GRIP1: variants seen among roughly 807,000 people sequenced by gnomAD.
GRIP1 encodes glutamate receptor-interacting protein 1.
A neutral mutation model predicts 129.9 loss-of-function variants in GRIP1; 45 were observed. The observed-to-expected ratio is 0.35, with a 90% CI of 0.27 to 0.44. The LOEUF is 0.44. Among genes scored for constraint, GRIP1 ranks in the 20% least tolerant of loss-of-function variants. GRIP1 has a pLI of 1.00. For missense variants in GRIP1, 1,196 were observed against 1,396.8 expected, an observed-to-expected ratio of 0.86 and a Z score of 2.29; for synonymous variants, 530 against 520.8, an observed-to-expected ratio of 1.02 and a Z score of -0.24.
chr12:66,560,275 T>G (rs2062474794), intron 2 of GRIP1, among the ~76,000 whole-genome samples: 1 of 151,992 alleles, frequency 6.6e-6, no homozygotes, highest in African/African-American at 2.4e-5. Context: ...ATTTCTTGAG[T>G]AATACTCCAC....
chr12:66,470,978 G>A (rs968004853), intron 7 of GRIP1, among the ~76,000 whole-genome samples: 7 of 152,160 alleles, frequency 4.6e-5, no homozygotes, highest in East Asian at 3.9e-4. Context: ...CCACAAGGAC[G>A]AAGTCGGGAG....
chr12:66,784,857 G>T (rs2038271515), intron 1 of GRIP1, among the ~76,000 whole-genome samples: 2 of 151,982 alleles, frequency 1.3e-5, no homozygotes, highest in South Asian at 4.2e-4. Context: ...TTTCAGTCAG[G>T]CCATATGCAC....
chr12:66,720,889 C>T (rs1001788544), intron 1 of GRIP1, among the ~76,000 whole-genome samples: 4 of 152,080 alleles, frequency 2.6e-5, no homozygotes, highest in African/African-American at 9.7e-5. Flanking sequence ...GATATTTTGA[C>T]CACCTCATAT....
intron 2 of GRIP1, among the ~76,000 whole-genome samples, chr12:66,562,444 T>G (rs1565863464): frequency 6.6e-6 from 1 of 152,146 alleles, no homozygotes; most frequent in Non-Finnish European, 1.5e-5. Context: ...CAAGTTTCAA[T>G]TTTTTTGAAA....
rs575880872 is a variant in GRIP1 at position 66,429,264 on chromosome 12, G to C, written c.1768+3284C>G. On this transcript the variant is annotated intron_variant, in intron 14 of 24. Transcript: ENST00000359742. ...GCACAAGGTGAAGACGACAGAAAGA[G>C]GACTTGGTATAGAGATAATGAGAAG... is the stretch of plus-strand genomic sequence containing the variant. 2.0e-5 allele frequency among the ~76,000 whole-genome samples: 3 copies of C among 152,252 alleles called. No individual in the cohort carries two copies. In the East Asian group the frequency reaches 5.8e-4, roughly 29 times the overall value.
chr12:66,447,383 C>T (rs1468796787), intron 11 of GRIP1, among the ~76,000 whole-genome samples: 1 of 152,128 alleles, frequency 6.6e-6, no homozygotes, highest in Non-Finnish European at 1.5e-5. Flanking sequence ...CCTATTAGGT[C>T]CTTAAATTAT....
intron 1 of GRIP1, among the ~76,000 whole-genome samples, chr12:66,811,300 G>A (rs923728594): frequency 3.2e-4 from 48 of 152,120 alleles, no homozygotes; most frequent in African/African-American, 9.7e-4. Flanking sequence ...TAAGTGTGCC[G>A]TTCTGACTAT....
At chr12:66,924,784 G>A (rs901246672) in intron 1 of GRIP1, among the ~76,000 whole-genome samples, 2 of 152,092 alleles carry the variant, frequency 1.3e-5, no homozygotes, top group South Asian at 2.1e-4. Flanking sequence ...TGGCTAACAC[G>A]GTGAAACCCC....
chr12:66,784,085 C>T (rs552208158), intron 1 of GRIP1, among the ~76,000 whole-genome samples: 5 of 152,050 alleles, frequency 3.3e-5, no homozygotes, highest in South Asian at 4.2e-4. Context: ...GGAAAATGGA[C>T]GAGAAGGCCT....
At chr12:66,833,508 G>A (rs760865118) in intron 1 of GRIP1, among the ~76,000 whole-genome samples, 4 of 152,070 alleles carry the variant, frequency 2.6e-5, no homozygotes, top group Admixed American at 6.6e-5. Flanking sequence ...TTTCTCCAGG[G>A]GAAATGTGAC....
intron 1 of GRIP1, among the ~76,000 whole-genome samples, chr12:66,948,111 T>C (rs902128610): frequency 6.6e-6 from 1 of 152,234 alleles, no homozygotes; most frequent in African/African-American, 2.4e-5. Context: ...AACCGGATGA[T>C]GTGTTTATTC....
At chr12:66,897,174 G>A (rs2040764373) in intron 1 of GRIP1, among the ~76,000 whole-genome samples, 1 of 152,210 alleles carries the variant, frequency 6.6e-6, no homozygotes, top group South Asian at 2.1e-4. Flanking sequence ...ATCAATGCAT[G>A]GGAAGCACTT....
chr12:66,714,066 A>G (rs1376983551), intron 1 of GRIP1, among the ~76,000 whole-genome samples: 1 of 152,004 alleles, frequency 6.6e-6, no homozygotes, highest in African/African-American at 2.4e-5. Flanking sequence ...ATTCATTATT[A>G]TTTTAAAATT....
intron 2 of GRIP1, among the ~76,000 whole-genome samples, chr12:66,566,208 A>G (rs2062751207): frequency 1.3e-5 from 2 of 152,184 alleles, no homozygotes; most frequent in African/African-American, 4.8e-5. Flanking sequence ...CCAGTTTTCA[A>G]AGGGAATGCT....
rs186647490 is a variant in GRIP1, at chr12:66,359,964, C to G, written c.3013-6401G>C. The stretch of plus-strand genomic sequence containing the variant: ...TTTAAGTTCATACTTCCCCCTACCC[C>G]TGGAAATGAATCTTTTATCCAGTTA... On this transcript the variant is annotated intron_variant, in intron 23 of 24. Coordinates refer to ENST00000359742, the MANE Select transcript of GRIP1 (RefSeq NM_001366722.1). Among the ~76,000 whole-genome samples, 69 of 152,286 alleles carry G rather than the reference C, an allele frequency of 4.5e-4. 1 individual carries two copies. The highest frequency in any genetic ancestry group is 1.5e-3 in the African/African-American group (64 of 41,554).
At chr12:66,461,266 T>C (rs1414855084) in intron 9 of GRIP1, among the ~76,000 whole-genome samples, 1 of 152,260 alleles carries the variant, frequency 6.6e-6, no homozygotes, top group African/African-American at 2.4e-5. Flanking sequence ...GCTAACATTT[T>C]AAAAGGGTCT....
At chr12:66,649,782 A>T (rs1416253024) in intron 1 of GRIP1, among the ~76,000 whole-genome samples, 2 of 152,240 alleles carry the variant, frequency 1.3e-5, no homozygotes, top group African/African-American at 4.8e-5. Context: ...TCGATATGTC[A>T]GGAAGAAGAA....
At chr12:66,916,319 A>C (rs1003082955) in intron 1 of GRIP1, among the ~76,000 whole-genome samples, 6 of 152,214 alleles carry the variant, frequency 3.9e-5, no homozygotes, top group African/African-American at 1.4e-4. Flanking sequence ...CCAAGCCCTA[A>C]GGGGCTGGGA....
chr12:66,963,296 G>A (rs1274972409), intron 1 of GRIP1, among the ~76,000 whole-genome samples: 4 of 152,178 alleles, frequency 2.6e-5, no homozygotes, highest in Admixed American at 6.5e-5. Flanking sequence ...GCCTGAGCAA[G>A]AGTGAGACGC....
Sources: allele counts gnomAD v4.1 joint callset (sites outside exome capture counted in the v4.1 genomes callset), GRCh38; gene constraint gnomAD v4.1.1; transcripts MANE v1.5; gene names NCBI Gene and HGNC (gene_info 2026-07-23, HGNC 2026-07-21).